The following CACNA2D1 variants were observed in gnomAD, a reference collection of about 807,000 sequenced individuals.
CACNA2D1 encodes the protein voltage-dependent calcium channel subunit alpha-2/delta-1.
A neutral mutation model predicts 171.5 loss-of-function variants in CACNA2D1; 53 were observed. That is an observed-to-expected ratio of 0.31 (90% confidence interval 0.25 to 0.39). CACNA2D1 has a LOEUF of 0.39. Ranked by LOEUF, CACNA2D1 falls within the 10% of genes least tolerant of loss-of-function variation. The pLI is 1.00. For synonymous variants in CACNA2D1, 442 were observed against 443.1 expected (o/e 1.00, Z 0.03); for missense variants, 903 against 1,299.8 (o/e 0.69, Z 4.69).
chr7:82,157,717 AGGGC>A, intron 4 of CACNA2D1, among the ~76,000 whole-genome samples: 1 of 152,172 alleles, frequency 6.6e-6, no homozygotes, highest in East Asian at 1.9e-4. Flanking sequence ...ATTTAGCAAT[AGGGC>A]CACACAGATA....
intron 3 of CACNA2D1, among the ~76,000 whole-genome samples, chr7:82,275,022 G>A (rs1809141006): frequency 7.3e-6 from 1 of 137,416 alleles, no homozygotes; most frequent in African/African-American, 2.5e-5. Context: ...AAAGTATACT[G>A]AGTGAAAATT....
intron 4 of CACNA2D1, among the ~76,000 whole-genome samples, chr7:82,139,169 C>T (rs1374076458): frequency 6.6e-6 from 1 of 152,090 alleles, no homozygotes. Flanking sequence ...AAATCAGTTG[C>T]ATAAAACAAC....
At chr7:81,967,487 T>C in intron 30 of CACNA2D1, 109 bp downstream of exon 30, 1 of 677,860 alleles carries the variant, frequency 1.5e-6, no homozygotes. Context: ...TCTACTTCAG[T>C]GTAGTGGTAT....
chr7:82,025,832 C>G (rs1374736516), intron 12 of CACNA2D1, among the ~76,000 whole-genome samples: 1 of 151,606 alleles, frequency 6.6e-6, no homozygotes, highest in African/African-American at 2.4e-5. Context: ...CCTCTGTTTC[C>G]AGATTGATCA....
At chr7:82,176,193 C>T (rs3801717) in intron 3 of CACNA2D1, among the ~76,000 whole-genome samples, 21,043 of 151,922 alleles carry the variant, frequency 0.14, 2,019 homozygotes, top group African/African-American at 0.26. Context: ...GACATTTCTT[C>T]AGCATTTCTT....
chr7:82,279,444 T>C (rs1237426095), intron 3 of CACNA2D1, among the ~76,000 whole-genome samples: 1 of 152,186 alleles, frequency 6.6e-6, no homozygotes, highest in East Asian at 1.9e-4. Flanking sequence ...AATCTGATTA[T>C]CAACCAGTCT....
At chr7:82,388,326 G>A (rs1275012853) in intron 1 of CACNA2D1, among the ~76,000 whole-genome samples, 1 of 152,128 alleles carries the variant, frequency 6.6e-6, no homozygotes, top group Non-Finnish European at 1.5e-5. Flanking sequence ...CAGCTAAATG[G>A]ACATGTGACA....
chr7:82,305,198 AAG>A (rs1813566919), intron 3 of CACNA2D1, among the ~76,000 whole-genome samples: 1 of 152,180 alleles, frequency 6.6e-6, no homozygotes, highest in South Asian at 2.1e-4. Flanking sequence ...TGTATTTTGT[AAG>A]AGTCTCATGC....
chr7:82,415,292 G>T (rs1007932519), intron 1 of CACNA2D1, among the ~76,000 whole-genome samples: 13 of 152,130 alleles, frequency 8.5e-5, no homozygotes, highest in African/African-American at 3.1e-4. Context: ...CCAGCACTTT[G>T]GGAGGCCGAG....
intron 19 of CACNA2D1, among the ~76,000 whole-genome samples, chr7:81,995,197 C>T (rs761878103): frequency 9.9e-5 from 15 of 152,026 alleles, no homozygotes; most frequent in South Asian, 2.1e-4. Flanking sequence ...GTTTTTGAAA[C>T]GTAATTAATA....
chr7:82,311,328 C>T lies in CACNA2D1; in HGVS notation c.294+23807G>A, dbSNP rs371737843. The stretch of plus-strand genomic sequence containing the variant: ...ATTTCTGACAACTTTTTAGATCATA[C>T]AAATGCACTAGGTAAGAATTTCTAA... On this transcript the variant is annotated intron_variant, in intron 3 of 38. Transcript: ENST00000356860. Among the ~76,000 whole-genome samples the T allele has an allele frequency of 9.3e-5, 14 of 151,078 alleles. No homozygotes were observed. In the East Asian group the frequency reaches 2.3e-3, roughly 25 times the overall value.
At chr7:82,013,757 G>T (rs979844993) in intron 13 of CACNA2D1, among the ~76,000 whole-genome samples, 22 of 151,676 alleles carry the variant, frequency 1.5e-4, no homozygotes, top group African/African-American at 5.3e-4. Flanking sequence ...TTCTATGAAG[G>T]AATAGGAAAC....
chr7:82,002,916 C>T (rs1341361634), intron 18 of CACNA2D1, among the ~76,000 whole-genome samples: 1 of 151,772 alleles, frequency 6.6e-6, no homozygotes, highest in Admixed American at 6.6e-5. Flanking sequence ...TAACATTAGA[C>T]TTTCACCTTG....
intron 1 of CACNA2D1, among the ~76,000 whole-genome samples, chr7:82,432,037 TAAAAAAAA>T (rs34180150): frequency 3.6e-5 from 3 of 82,218 alleles, no homozygotes; most frequent in South Asian, 4.3e-4. Flanking sequence ...GACTCTGTCT[TAAAAAAAA>T]AAAAAAAAAA....
intron 5 of CACNA2D1, among the ~76,000 whole-genome samples, chr7:82,135,344 T>C (rs1007665360): frequency 6.6e-6 from 1 of 152,086 alleles, no homozygotes; most frequent in Admixed American, 6.6e-5. Context: ...CTTATTTTGA[T>C]ATCAATAAAC....
intron 38 of CACNA2D1, among the ~76,000 whole-genome samples, chr7:81,955,316 G>A (rs534060588): frequency 6.8e-4 from 103 of 152,200 alleles, no homozygotes; most frequent in African/African-American, 2.5e-3. Context: ...GTTTTAGCCA[G>A]ACTACATTGG....
chr7:82,338,910 TG>T (rs1383164244), intron 2 of CACNA2D1, among the ~76,000 whole-genome samples: 1 of 151,760 alleles, frequency 6.6e-6, no homozygotes, highest in Admixed American at 6.6e-5. Flanking sequence ...GGCTGAGAGA[TG>T]GAAAGTGGGA....
At chr7:82,418,534 AAAAT>A (rs201205642) in intron 1 of CACNA2D1, among the ~76,000 whole-genome samples, 2,145 of 152,268 alleles carry the variant, frequency 0.014, 46 homozygotes, top group African/African-American at 0.048. Flanking sequence ...GAATAAAGCA[AAAAT>A]AAATAAATAA....
At chr7:82,304,635 A>G (rs1300846647) in intron 3 of CACNA2D1, among the ~76,000 whole-genome samples, 1 of 152,190 alleles carries the variant, frequency 6.6e-6, no homozygotes, top group African/African-American at 2.4e-5. Context: ...TCTCATTCAC[A>G]TGTGGATGCT....
Sources: gnomAD v4.1 joint callset for allele counts (sites outside exome capture counted in the v4.1 genomes callset) on GRCh38, gnomAD v4.1.1 for gene constraint, MANE v1.5 for transcripts, NCBI Gene and HGNC (gene_info 2026-07-23, HGNC 2026-07-21) for gene names.